The following COL4A1 variants were observed in gnomAD, a reference collection of about 807,000 sequenced individuals.
COL4A1 encodes the protein collagen type IV alpha 1 chain.
In COL4A1, 40 loss-of-function variants were observed where a neutral mutation model predicts 216.6. The observed-to-expected ratio is 0.18, with a 90% confidence interval of 0.14 to 0.24. COL4A1 has a LOEUF of 0.24. Ranked by LOEUF, COL4A1 falls within the 10% of genes least tolerant of loss-of-function variation. COL4A1 has a pLI of 1.00. For missense variants in COL4A1, 1,628 were observed against 2,196.8 expected (o/e 0.74, Z 5.18); for synonymous variants, 839 against 810.7 (o/e 1.03, Z -0.59).
At chr13:110,245,835 G>C (rs1594084847) in intron 1 of COL4A1, among the ~76,000 whole-genome samples, 1 of 152,150 alleles carries the variant, frequency 6.6e-6, no homozygotes. Flanking sequence ...CGGGTGGGTA[G>C]TTTTACCCTG....
At chr13:110,258,362 A>G (rs1882669501) in intron 1 of COL4A1, among the ~76,000 whole-genome samples, 1 of 152,136 alleles carries the variant, frequency 6.6e-6, no homozygotes, top group Non-Finnish European at 1.5e-5. Flanking sequence ...ATATGGTAAA[A>G]TCCCATCTCT....
chr13:110,242,716 CAGAG>C lies in COL4A1; in HGVS notation c.99_102del (p.Ser34AlafsTer10). The C allele has an allele frequency of 6.2e-7, 1 of 1,614,240 alleles. No homozygotes were observed. The highest frequency in any genetic ancestry group is 8.5e-7 in the Non-Finnish European group (1 of 1,180,044). On this transcript the variant is annotated frameshift_variant, in exon 2 of 52. Coordinates refer to ENST00000375820, the MANE Select transcript of COL4A1 (RefSeq NM_001845.6). LOFTEE classifies it high-confidence loss of function. Reference sequence around the variant, plus strand: ...CCATGGCAGTCACATTTGCCACAGCCAGAGCCAGCACAGCCACCCTGGAAGGAAA... The same window carrying C: ...CCATGGCAGTCACATTTGCCACAGCCCCAGCACAGCCACCCTGGAAGGAAA...
chr13:110,276,061 C>CA (rs11421817), intron 1 of COL4A1, among the ~76,000 whole-genome samples: 151,901 of 152,012 alleles, frequency 1, 75,895 homozygotes, highest in Middle Eastern at 1. Context: ...GAACTATGGA[C>CA]GGGGGATAGT....
At chr13:110,303,308 A>G (rs550783368) in intron 1 of COL4A1, among the ~76,000 whole-genome samples, 2 of 152,056 alleles carry the variant, frequency 1.3e-5, no homozygotes, top group Admixed American at 6.6e-5. Context: ...CCTACCTGCC[A>G]CCTCCGAGAA....
chr13:110,278,511 C>T (rs1211784793), intron 1 of COL4A1, among the ~76,000 whole-genome samples: 1 of 152,178 alleles, frequency 6.6e-6, no homozygotes, highest in Non-Finnish European at 1.5e-5. Context: ...TGTGCTCATT[C>T]ATTCATCCAT....
At chr13:110,184,680 CTGTG>C (rs35682248) in intron 26 of COL4A1, among the ~76,000 whole-genome samples, 9 of 150,054 alleles carry the variant, frequency 6.0e-5, no homozygotes, top group South Asian at 2.1e-4. Context: ...AGGAACTGGA[CTGTG>C]TGTGTGTGTG....
At chr13:110,169,508 A>ACACACACACG (rs1877504441) in intron 43 of COL4A1, 121 bp downstream of exon 43, 1 of 1,508,390 alleles carries the variant, frequency 6.6e-7, no homozygotes, top group Non-Finnish European at 8.9e-7. Flanking sequence ...ACACACACAC[A>ACACACACACG]CACACACACA....
intron 2 of COL4A1, among the ~76,000 whole-genome samples, chr13:110,240,795 C>T (rs375062784): frequency 6.6e-6 from 1 of 152,352 alleles, no homozygotes; most frequent in Non-Finnish European, 1.5e-5. Flanking sequence ...ATCATTCTCC[C>T]TTGTCATGTT....
intron 1 of COL4A1, among the ~76,000 whole-genome samples, chr13:110,292,638 G>A (rs1315109584): frequency 6.6e-6 from 1 of 152,174 alleles, no homozygotes; most frequent in Non-Finnish European, 1.5e-5. Flanking sequence ...GCAGGAGAGA[G>A]AGCGAAGGAG....
At position 110,150,183 on chromosome 13, in the gene COL4A1, T is replaced by C. The variant is rs992043935; in HGVS notation, c.*180A>G. Reference sequence around the variant, plus strand: ...TTGAAAGCTTATCGCTGTCTTTTTCTCCTTCAGCAAGTAGAGGTCAATGAA... The same window carrying C: ...TTGAAAGCTTATCGCTGTCTTTTTCCCCTTCAGCAAGTAGAGGTCAATGAA... On this transcript the variant is annotated 3_prime_UTR_variant, in exon 52 of 52. Coordinates refer to ENST00000375820, the MANE Select transcript of COL4A1 (RefSeq NM_001845.6). 1.2e-5 allele frequency: 8 copies of C among 674,284 alleles called. No individual in the cohort carries two copies. The African/African-American group carries it at 1.2e-4, about 11-fold the overall frequency. The allele number at this position is 674,284 out of a possible 1,614,324, so 41.8% of individuals were successfully genotyped here. A position where few individuals can be genotyped will look rare whatever the true frequency, so the allele number is the denominator to read the frequency against.
intron 35 of COL4A1, 45 bp downstream of exon 35, chr13:110,176,581 A>C: frequency 6.3e-7 from 1 of 1,597,528 alleles, no homozygotes; most frequent in Non-Finnish European, 8.6e-7. Flanking sequence ...CACAGGCCTC[A>C]TCCTGAGCCC....
chr13:110,183,073 G>C lies in COL4A1; in HGVS notation c.2015C>G (p.Pro672Arg). ...PQGDRGFPGT[P>R]GRPGLPGEKG... Reference sequence around the variant, plus strand: ...CTCTCCTGGCAGGCCTGGCCTTCCTGGGGTTCCGGGAAAGCCTCGGTCTCC... The same window carrying C: ...CTCTCCTGGCAGGCCTGGCCTTCCTCGGGTTCCGGGAAAGCCTCGGTCTCC... The change falls in exon 28 of 52, where the codon CCA (proline) becomes CGA (arginine). Residue 672 changes from proline to arginine, a missense_variant. Pro to Arg is a moderately radical substitution (Grantham distance 103). Around this residue, in one of 8 missense-constraint regions of COL4A1, gnomAD observed 701 missense variants for 892.5 expected, o/e 0.79. Transcript: ENST00000375820. The C allele has an allele frequency of 1.2e-6, 2 of 1,613,144 alleles. No homozygotes were observed. Among genetic ancestry groups the C allele is most frequent in the Non-Finnish European group, 1.7e-6 (2 of 1,179,780 alleles).
intron 1 of COL4A1, among the ~76,000 whole-genome samples, chr13:110,292,182 T>G (rs1477609574): frequency 2.0e-5 from 3 of 152,334 alleles, no homozygotes; most frequent in Non-Finnish European, 4.4e-5. Context: ...CAGGGTCTTC[T>G]TCCCTGGAAA....
chr13:110,209,300 T>TAC lies in COL4A1; in HGVS notation c.651+91_651+92insGT, dbSNP rs35906431. ...TAGTGTTAATTTTCCAACTTTTTTT[T>TAC]AGAGACTGAAAGAATAAGAAGAGTG... On this transcript the variant is annotated intron_variant, in intron 11 of 51. Transcript: ENST00000375820. The TAC allele has an allele frequency of 0.25, 300,225 of 1,191,434 alleles. 40,694 individuals carry two copies. The highest frequency in any genetic ancestry group is 0.32 in the Admixed American group (15,473 of 48,108). The allele number at this position is 1,191,434 out of a possible 1,614,324, so 73.8% of individuals were successfully genotyped here.
intron 2 of COL4A1, among the ~76,000 whole-genome samples, chr13:110,219,848 A>ATATATGTATATATGTGTG (rs1566385753): frequency 4.0e-5 from 3 of 74,800 alleles, no homozygotes; most frequent in South Asian, 4.9e-4. Flanking sequence ...ATATATGTGT[A>ATATATGTATATATGTGTG]TATATATGTA....
intron 2 of COL4A1, among the ~76,000 whole-genome samples, chr13:110,225,739 C>T (rs1484812360): frequency 2.0e-5 from 3 of 152,178 alleles, no homozygotes; most frequent in African/African-American, 7.2e-5. Context: ...GGTGAGCACG[C>T]GGAGCTCCGG....
At chr13:110,225,449 G>A (rs1306187756) in intron 2 of COL4A1, among the ~76,000 whole-genome samples, 3 of 152,210 alleles carry the variant, frequency 2.0e-5, no homozygotes, top group African/African-American at 7.2e-5. Context: ...CCAGCGTGGT[G>A]GCACACGCCT....
intron 2 of COL4A1, among the ~76,000 whole-genome samples, chr13:110,215,341 C>T (rs2139208947): frequency 6.6e-6 from 1 of 152,198 alleles, no homozygotes; most frequent in Non-Finnish European, 1.5e-5. Flanking sequence ...GGGCAGATCA[C>T]CAGAGGTCAG....
At chr13:110,219,882 A>G (rs867408432) in intron 2 of COL4A1, among the ~76,000 whole-genome samples, 1 of 122,996 alleles carries the variant, frequency 8.1e-6, no homozygotes, top group Non-Finnish European at 1.7e-5. Context: ...ATATATGTAT[A>G]TATATGTGTG....
Sources: gnomAD v4.1 joint callset for allele counts (sites outside exome capture counted in the v4.1 genomes callset) on GRCh38, gnomAD v4.1.1 for gene constraint, gnomAD v4.1.1 regional missense constraint, MANE v1.5 for transcripts, NCBI Gene and HGNC (gene_info 2026-07-23, HGNC 2026-07-21) for gene names.